Variants in INPP4B observed in about 807,000 individuals in gnomAD.
The protein encoded by INPP4B is inositol polyphosphate-4-phosphatase type II B.
In INPP4B, 55 loss-of-function variants were observed where a neutral mutation model predicts 122.5. The observed-to-expected ratio is 0.45, with a 90% CI of 0.36 to 0.56. INPP4B has a LOEUF of 0.56. Among genes scored for constraint, INPP4B ranks in the 20% least tolerant of loss-of-function variants. The pLI is 0.00. For missense variants in INPP4B, 1,000 were observed against 1,097.7 expected (o/e 0.91, Z 1.26); for synonymous variants, 403 against 388.7 (o/e 1.04, Z -0.43).
At position 142,263,144 on chromosome 4, in the gene INPP4B, A is replaced by G. The variant is rs187311350; in HGVS notation, c.616-2580T>C. On this transcript the variant is annotated intron_variant, in intron 10 of 25. Coordinates refer to ENST00000262992, the MANE Select transcript of INPP4B (RefSeq NM_001101669.3). ...TGCCTCACTGGAGGATGCTCCTAAC[A>G]ATGCTTTAATCCTGACAGGAAGCTG... Among the ~76,000 whole-genome samples, 7 of 152,238 alleles carry G rather than the reference A, an allele frequency of 4.6e-5. No homozygotes were observed. The East Asian group carries it at 1.4e-3, about 30-fold the overall frequency.
chr4:142,199,061 G>A (rs549369239), intron 14 of INPP4B, among the ~76,000 whole-genome samples: 16 of 151,890 alleles, frequency 1.1e-4, no homozygotes, highest in African/African-American at 2.4e-4. Context: ...ATTAGTTTTC[G>A]TATCACATAA....
intron 25 of INPP4B, chr4:142,029,640 A>T: frequency 1.0e-6 from 1 of 985,370 alleles, no homozygotes; most frequent in African/African-American, 1.7e-5. Context: ...TTGACAGAAA[A>T]GAGTTAATTG....
chr4:142,384,075 C>T lies in INPP4B; in HGVS notation c.372+18863G>A, dbSNP rs1012781915. 19 of 701,884 alleles carry T rather than the reference C, an allele frequency of 2.7e-5. No individual in the cohort carries two copies. The African/African-American group carries it at 3.1e-4, about 12-fold the overall frequency. The allele number at this position is 701,884 out of a possible 1,614,324, so 43.5% of individuals were successfully genotyped here. ...CTCAAGTTGTCTCAGCTCTGAGGAC[C>T]TCAAGATCCACTTATACTCAAATTC... On this transcript the variant is annotated intron_variant, in intron 7 of 25. Transcript: ENST00000262992.
chr4:142,180,923 T>A (rs1052891105), intron 15 of INPP4B, among the ~76,000 whole-genome samples: 1 of 152,146 alleles, frequency 6.6e-6, no homozygotes, highest in African/African-American at 2.4e-5. Context: ...CAGAATTGTC[T>A]CACAGTAAAT....
At chr4:142,620,043 G>A (rs1744551686) in intron 2 of INPP4B, among the ~76,000 whole-genome samples, 1 of 151,936 alleles carries the variant, frequency 6.6e-6, no homozygotes. Flanking sequence ...GCTAGCTGCA[G>A]AGAAAAGATA....
chr4:142,842,754 T>G (rs997089880), intron 1 of INPP4B, among the ~76,000 whole-genome samples: 1 of 131,064 alleles, frequency 7.6e-6, no homozygotes, highest in Non-Finnish European at 1.6e-5. Flanking sequence ...ATATAATATA[T>G]CTATAATAAT....
chr4:142,413,876 T>A (rs1805121662), intron 5 of INPP4B, among the ~76,000 whole-genome samples: 1 of 152,126 alleles, frequency 6.6e-6, no homozygotes, highest in South Asian at 2.1e-4. Context: ...TATTCAATGG[T>A]GATTTAGCTT....
intron 2 of INPP4B, among the ~76,000 whole-genome samples, chr4:142,679,775 T>A (rs1758344433): frequency 6.6e-6 from 1 of 151,716 alleles, no homozygotes; most frequent in Non-Finnish European, 1.5e-5. Flanking sequence ...TATATGAGAT[T>A]CAATGCTTAC....
chr4:142,663,341 C>T (rs1755520962), intron 2 of INPP4B, among the ~76,000 whole-genome samples: 1 of 152,058 alleles, frequency 6.6e-6, no homozygotes, highest in Admixed American at 6.6e-5. Context: ...ATAATGAGAA[C>T]AGGTCTGTAT....
intron 7 of INPP4B, among the ~76,000 whole-genome samples, chr4:142,332,436 C>G (rs1038693622): frequency 6.0e-5 from 9 of 151,040 alleles, no homozygotes; most frequent in Non-Finnish European, 1.3e-4. Context: ...GCATTAAAGG[C>G]TTTTATAAAG....
intron 14 of INPP4B, among the ~76,000 whole-genome samples, chr4:142,207,988 T>TA (rs1411969102): frequency 6.6e-6 from 1 of 151,868 alleles, no homozygotes; most frequent in Admixed American, 6.6e-5. Flanking sequence ...CTTTTTCCCA[T>TA]AAAAAAGGGA....
At chr4:142,819,908 C>T (rs897142880) in intron 1 of INPP4B, among the ~76,000 whole-genome samples, 2 of 152,030 alleles carry the variant, frequency 1.3e-5, no homozygotes, top group Non-Finnish European at 1.5e-5. Context: ...CTTCTCAGTC[C>T]TACAGTGAAT....
At chr4:142,742,541 G>GA (rs1768056293) in intron 1 of INPP4B, among the ~76,000 whole-genome samples, 2 of 151,752 alleles carry the variant, frequency 1.3e-5, no homozygotes, top group Non-Finnish European at 2.9e-5. Context: ...GAAGGCTGTA[G>GA]AAAAAATATA....
intron 2 of INPP4B, among the ~76,000 whole-genome samples, chr4:142,545,274 A>G (rs998687279): frequency 6.6e-6 from 1 of 152,176 alleles, no homozygotes; most frequent in Admixed American, 6.6e-5. Flanking sequence ...CTATGCATTT[A>G]TTTTGTGCCA....
chr4:142,215,734 A>C (rs956153424), intron 12 of INPP4B, among the ~76,000 whole-genome samples: 1 of 151,738 alleles, frequency 6.6e-6, no homozygotes, highest in Admixed American at 6.6e-5. Context: ...TCTACTAAAA[A>C]TACAAAAAAT....
chr4:142,621,058 A>G (rs184844110), intron 2 of INPP4B, among the ~76,000 whole-genome samples: 208 of 151,958 alleles, frequency 1.4e-3, no homozygotes, highest in Middle Eastern at 3.4e-3. Flanking sequence ...TTTTCATACT[A>G]TAATGTCTTA....
chr4:142,230,655 A>G (rs896759626), intron 12 of INPP4B, among the ~76,000 whole-genome samples: 29 of 151,460 alleles, frequency 1.9e-4, no homozygotes, highest in Non-Finnish European at 2.2e-4. Flanking sequence ...AAAAAAAAAA[A>G]AAAAAAAAAG....
In INPP4B at chr4:142,806,612, C is replaced by T. The variant is rs1435443733; in HGVS notation, c.-254+39597G>A. Among the ~76,000 whole-genome samples, 3 of 151,678 alleles carry T rather than the reference C, an allele frequency of 2.0e-5. No individual in the cohort carries two copies. In the South Asian group the frequency reaches 6.3e-4, roughly 32 times the overall value. On this transcript the variant is annotated intron_variant, in intron 1 of 25. Transcript: ENST00000262992. Reference sequence around the variant, plus strand: ...ACAAAAACTTAGCCTGGCATGGTGGCATGTGCCTGTAGTCCCAGATGCTCA... The same window carrying T: ...ACAAAAACTTAGCCTGGCATGGTGGTATGTGCCTGTAGTCCCAGATGCTCA...
At chr4:142,038,169 C>T (rs767074423) in intron 25 of INPP4B, among the ~76,000 whole-genome samples, 6 of 151,990 alleles carry the variant, frequency 3.9e-5, no homozygotes, top group Non-Finnish European at 8.8e-5. Context: ...TATTAAAAGT[C>T]GAGTTTCAGG....
Sources: allele counts gnomAD v4.1 joint callset (sites outside exome capture counted in the v4.1 genomes callset), GRCh38; gene constraint gnomAD v4.1.1; transcripts MANE v1.5; gene names NCBI Gene and HGNC (gene_info 2026-07-23, HGNC 2026-07-21).